PAX7: variants seen among roughly 807,000 people sequenced by gnomAD.
PAX7 encodes the protein paired box protein Pax-7.
In PAX7, 18 loss-of-function variants were observed where a neutral mutation model predicts 50.7. The observed-to-expected ratio is 0.36, with a 90% CI of 0.25 to 0.53. PAX7 has a LOEUF of 0.53. Ranked by LOEUF, PAX7 falls within the 20% of genes least tolerant of loss-of-function variation. The pLI, the probability that PAX7 is intolerant of heterozygous loss-of-function variation, is 0.93. For synonymous variants in PAX7, 310 were observed against 290.4 expected, an observed-to-expected ratio of 1.07 and a Z score of -0.69; for missense variants, 644 against 702.9, an observed-to-expected ratio of 0.92 and a Z score of 0.95.
chr1:18,708,225 G>A (rs867404743), intron 7 of PAX7, among the ~76,000 whole-genome samples: 1 of 151,994 alleles, frequency 6.6e-6, no homozygotes, highest in Non-Finnish European at 1.5e-5. Flanking sequence ...CCTCTGCTCC[G>A]GGCTGAGGGC....
chr1:18,640,289 T>C (rs1207166272), intron 4 of PAX7, among the ~76,000 whole-genome samples: 1 of 152,194 alleles, frequency 6.6e-6, no homozygotes, highest in Non-Finnish European at 1.5e-5. Flanking sequence ...AATGCGGTTT[T>C]CGGTCGTTTG....
intron 4 of PAX7, among the ~76,000 whole-genome samples, chr1:18,681,164 TAAAAAAAAAAAAAAAA>T (rs143668000): frequency 1.5e-5 from 1 of 67,380 alleles, no homozygotes; most frequent in South Asian, 7.6e-4. Context: ...CAAAACTCCG[TAAAAAAAAAAAAAAAA>T]AAAAAAAAAA....
At chr1:18,643,653 C>A (rs1269286444) in intron 4 of PAX7, among the ~76,000 whole-genome samples, 1 of 152,114 alleles carries the variant, frequency 6.6e-6, no homozygotes, top group East Asian at 1.9e-4. Flanking sequence ...CGGGCAGCGG[C>A]TAGGGGAAGA....
At chr1:18,685,284 G>A (rs2088958436) in intron 4 of PAX7, among the ~76,000 whole-genome samples, 1 of 152,230 alleles carries the variant, frequency 6.6e-6, no homozygotes. Context: ...AGAGTGTTGT[G>A]TGCAAGTTCG....
At chr1:18,642,038 C>T (rs1197763148) in intron 4 of PAX7, among the ~76,000 whole-genome samples, 1 of 149,428 alleles carries the variant, frequency 6.7e-6, no homozygotes, top group African/African-American at 2.5e-5. Flanking sequence ...TTTAAAAGCA[C>T]ATATAACAGT....
rs1332286324 is a variant in PAX7, at chr1:18,748,176, G to A, written c.*3247G>A. On this transcript the variant is annotated 3_prime_UTR_variant, in exon 9 of 9. Coordinates refer to ENST00000420770, the MANE Select transcript of PAX7 (RefSeq NM_001135254.2). ...TGCCCAGAAGGAAAACGAAGAGCCA[G>A]ATTGAAATCTGACTCTGGCTTGAGA... 1 of 223,256 alleles carries A rather than the reference G, an allele frequency of 4.5e-6. No homozygotes were observed. Among genetic ancestry groups the A allele is most frequent in the Non-Finnish European group, 8.9e-6 (1 of 111,870 alleles). The allele number at this position is 223,256 out of a possible 1,614,324, so 13.8% of individuals were successfully genotyped here.
rs574574384 is a variant in PAX7, at chr1:18,631,363, C to T, written c.-241C>T. ...TGTTTGTTTGTTTGAACTTCCTCGTCGTCGCCACCTTCCCTCCCCCCAACC... is the reference window on the plus strand; with the variant it reads ...TGTTTGTTTGTTTGAACTTCCTCGTTGTCGCCACCTTCCCTCCCCCCAACC... On this transcript the variant is annotated 5_prime_UTR_variant, in exon 1 of 9. Coordinates refer to ENST00000420770, the MANE Select transcript of PAX7 (RefSeq NM_001135254.2). 6.2e-4 allele frequency: 325 copies of T among 523,106 alleles called. 1 individual carries two copies. Among genetic ancestry groups the T allele is most frequent in the African/African-American group, 5.6e-3 (296 of 52,602 alleles). The allele number at this position is 523,106 out of a possible 1,614,324, so 32.4% of individuals were successfully genotyped here.
chr1:18,737,533 T>TTG (rs1930825937), intron 8 of PAX7, among the ~76,000 whole-genome samples: 1 of 152,196 alleles, frequency 6.6e-6, no homozygotes, highest in South Asian at 2.1e-4. Flanking sequence ...GTTACAATTC[T>TTG]TGTGTGTGTG....
At chr1:18,731,598 C>T (rs1194733498) in intron 7 of PAX7, among the ~76,000 whole-genome samples, 2 of 152,040 alleles carry the variant, frequency 1.3e-5, no homozygotes, top group African/African-American at 4.8e-5. Flanking sequence ...TGAGTGTTCT[C>T]CCCTCCCGCC....
Position 18,673,585 on chromosome 1 carries a change from G to A in PAX7, c.587-18169G>A, listed in dbSNP as rs144517755. Among the ~76,000 whole-genome samples, 35 of 152,230 alleles carry A rather than the reference G, an allele frequency of 2.3e-4. No individual in the cohort carries two copies. In the East Asian group the frequency reaches 5.8e-3, roughly 25 times the overall value. ...CAGAGCAATAATTGTCCCAGGGTGCGAGTAACAGATTTTATTTTTATTGAT... is the reference window on the plus strand; with the variant it reads ...CAGAGCAATAATTGTCCCAGGGTGCAAGTAACAGATTTTATTTTTATTGAT... On this transcript the variant is annotated intron_variant, in intron 4 of 8. Transcript: ENST00000420770.
intron 4 of PAX7, among the ~76,000 whole-genome samples, chr1:18,685,378 T>C (rs1049945095): frequency 1.3e-5 from 2 of 152,226 alleles, no homozygotes; most frequent in African/African-American, 4.8e-5. Flanking sequence ...AGGCCTTTAT[T>C]GAGCACATGC....
chr1:18,640,616 T>C (rs2088236506), intron 4 of PAX7, among the ~76,000 whole-genome samples: 1 of 152,130 alleles, frequency 6.6e-6, no homozygotes, highest in Non-Finnish European at 1.5e-5. Flanking sequence ...GAAAGGTAAT[T>C]GACACTCCAC....
chr1:18,647,590 C>G (rs1484585577), intron 4 of PAX7, among the ~76,000 whole-genome samples: 1 of 152,082 alleles, frequency 6.6e-6, no homozygotes, highest in African/African-American at 2.4e-5. Context: ...ATTCTGAGAT[C>G]CTAGATGTCC....
At chr1:18,728,023 G>A (rs1483163907) in intron 7 of PAX7, among the ~76,000 whole-genome samples, 1 of 152,176 alleles carries the variant, frequency 6.6e-6, no homozygotes, top group African/African-American at 2.4e-5. Flanking sequence ...AAGAGGGGGT[G>A]AGGGTGGGCA....
chr1:18,633,590 A>C (rs897541633), intron 1 of PAX7, among the ~76,000 whole-genome samples: 2 of 152,170 alleles, frequency 1.3e-5, no homozygotes, highest in African/African-American at 4.8e-5. Flanking sequence ...ATTGTCCCAA[A>C]ACGAAATTAG....
rs781590982 is a variant in PAX7, at chr1:18,634,445, G to A, written c.228G>A (p.Leu76=). Residue 76 remains leucine, a synonymous_variant, in exon 2 of 9, where the codon CTG becomes CTA. Transcript: ENST00000420770. This position sits in a 1 kb window ranked among gnomAD's most constrained non-coding sequence, Gnocchi z 4.0. ...GIRPCVISRQ[L]RVSHGCVSKI... ...GGCCCTGTGTCATCTCCCGACAGCT[G>A]CGTGTCTCCCACGGCTGCGTCTCCA... is the stretch of plus-strand genomic sequence containing the variant. 2.5e-6 allele frequency: 4 copies of A among 1,614,222 alleles called. No homozygotes were observed. The highest frequency in any genetic ancestry group is 1.6e-4 in the Middle Eastern group (1 of 6,062).
At chr1:18,637,589 C>G (rs1221548482) in intron 4 of PAX7, among the ~76,000 whole-genome samples, 1 of 152,246 alleles carries the variant, frequency 6.6e-6, no homozygotes, top group Non-Finnish European at 1.5e-5. Flanking sequence ...GACCCAAGCA[C>G]TCCTAGCCCA....
intron 4 of PAX7, among the ~76,000 whole-genome samples, chr1:18,646,639 T>A (rs1035857625): frequency 3.9e-5 from 6 of 151,932 alleles, no homozygotes; most frequent in Non-Finnish European, 8.8e-5. Flanking sequence ...CGCGCCTCAA[T>A]GGCCACTTTA....
chr1:18,641,489 C>T (rs1172672472), intron 4 of PAX7, among the ~76,000 whole-genome samples: 2 of 152,194 alleles, frequency 1.3e-5, no homozygotes, highest in Admixed American at 1.3e-4. Context: ...GGTCTTGGAA[C>T]GCAGGCACGT....
Sources: allele counts gnomAD v4.1 joint callset (sites outside exome capture counted in the v4.1 genomes callset), GRCh38; gene constraint gnomAD v4.1.1; non-coding constraint Gnocchi (gnomAD v3.1); transcripts MANE v1.5; gene names NCBI Gene and HGNC (gene_info 2026-07-23, HGNC 2026-07-21).